Variants in STIM2 observed in about 807,000 individuals in gnomAD.
STIM2 encodes the protein stromal interaction molecule 2.
A neutral mutation model predicts 85.8 loss-of-function variants in STIM2; 31 were observed. The ratio of observed to expected loss-of-function variants is 0.36; its 90% CI spans 0.27 to 0.49. STIM2 has a LOEUF of 0.49. STIM2 is among the 20% of genes least tolerant of loss of function. STIM2 has a pLI of 0.98. For synonymous variants in STIM2, 356 were observed against 331.1 expected, an observed-to-expected ratio of 1.08 and a Z score of -0.82; for missense variants, 841 against 927.6, an observed-to-expected ratio of 0.91 and a Z score of 1.21.
At chr4:26,961,141 G>A (rs1197733072) in intron 3 of STIM2, among the ~76,000 whole-genome samples, 7 of 152,112 alleles carry the variant, frequency 4.6e-5, no homozygotes, top group African/African-American at 1.7e-4. Flanking sequence ...GATGGATGGG[G>A]GGTTCTAGTA....
chr4:26,861,494 G>T lies in STIM2; in HGVS notation c.151+125G>T, dbSNP rs1195537571. 4 of 1,218,352 alleles carry T rather than the reference G, an allele frequency of 3.3e-6. No homozygotes were observed. The African/African-American group carries it at 4.7e-5, about 14-fold the overall frequency. 75.5% of individuals were successfully genotyped at this position (1,218,352 alleles called of 1,614,324 possible). ...GGCTCCGGCCAGGGCGCGATGCGGA[G>T]CCCTGCCTGCTGCTTCGTCGCGGTC... On this transcript the variant is annotated intron_variant, in intron 1 of 11. Coordinates refer to ENST00000467087, the MANE Select transcript of STIM2 (RefSeq NM_020860.4).
At chr4:26,998,955 TAGTA>T (rs1004122259) in intron 4 of STIM2, among the ~76,000 whole-genome samples, 6 of 151,728 alleles carry the variant, frequency 4.0e-5, no homozygotes, top group African/African-American at 1.5e-4. Flanking sequence ...TTCTAAATCA[TAGTA>T]AGTCATAACA....
At chr4:26,961,110 A>T (rs796802597) in intron 3 of STIM2, among the ~76,000 whole-genome samples, 12 of 152,286 alleles carry the variant, frequency 7.9e-5, no homozygotes, top group African/African-American at 2.9e-4. Context: ...TTAAAAAATA[A>T]TGAAGATAAC....
In STIM2 at chr4:26,918,183, A is replaced by G. The variant is rs975311991; in HGVS notation, c.152-1321A>G. Among the ~76,000 whole-genome samples, 7 of 144,984 alleles carry G rather than the reference A, an allele frequency of 4.8e-5. No individual in the cohort carries two copies. In the Admixed American group the frequency reaches 4.8e-4, roughly 10 times the overall value. On this transcript the variant is annotated intron_variant, in intron 1 of 11. Coordinates refer to ENST00000467087, the MANE Select transcript of STIM2 (RefSeq NM_020860.4). The stretch of plus-strand genomic sequence containing the variant: ...ATTAAAAATGTTAAAACACCAAAAT[A>G]TTTTTTCAGCTGTAATTGGAACATG...
chr4:26,976,672 T>C (rs1407449339), intron 3 of STIM2, among the ~76,000 whole-genome samples: 2 of 151,902 alleles, frequency 1.3e-5, no homozygotes, highest in Non-Finnish European at 2.9e-5. Flanking sequence ...CTGGGTGTGG[T>C]GCGCACCTGT....
intron 5 of STIM2, among the ~76,000 whole-genome samples, 187 bp from the exon 6 acceptor site, chr4:27,002,030 A>G (rs1190705679): frequency 6.6e-6 from 1 of 152,208 alleles, no homozygotes; most frequent in Non-Finnish European, 1.5e-5. Flanking sequence ...TAAGTCTAGT[A>G]TATCAAAGAG....
At chr4:26,921,921 G>T (rs1195074293) in intron 2 of STIM2, among the ~76,000 whole-genome samples, 1 of 152,108 alleles carries the variant, frequency 6.6e-6, no homozygotes, top group Admixed American at 6.5e-5. Context: ...AGCTCAGTCA[G>T]TACCAGCGAT....
In STIM2 at chr4:26,910,416, T is replaced by A. The variant is rs2109059032; in HGVS notation, c.152-9088T>A. Among the ~76,000 whole-genome samples the A allele has an allele frequency of 5.3e-5, 8 of 152,112 alleles. 1 individual carries two copies. In the South Asian group the frequency reaches 1.7e-3, roughly 32 times the overall value. On this transcript the variant is annotated intron_variant, in intron 1 of 11. Coordinates refer to ENST00000467087, the MANE Select transcript of STIM2 (RefSeq NM_020860.4). The stretch of plus-strand genomic sequence containing the variant: ...GCGAGCGCCTGTAATTCCAGTTACT[T>A]GGGAGGCTGTGGCAGGAGAATTGCC...
intron 3 of STIM2, among the ~76,000 whole-genome samples, chr4:26,976,940 G>A (rs986680758): frequency 6.6e-6 from 1 of 152,196 alleles, no homozygotes. Context: ...GAACAAGTTT[G>A]CATGTATGTA....
intron 2 of STIM2, among the ~76,000 whole-genome samples, chr4:26,935,812 T>C (rs1379094071): frequency 9.2e-5 from 14 of 152,230 alleles, no homozygotes; most frequent in Non-Finnish European, 2.1e-4. Flanking sequence ...GTTCATGACT[T>C]ACTCTTTGTA....
At chr4:26,938,372 G>A (rs1271593764) in intron 2 of STIM2, among the ~76,000 whole-genome samples, 4 of 151,898 alleles carry the variant, frequency 2.6e-5, no homozygotes, top group Non-Finnish European at 5.9e-5. Flanking sequence ...AAAAACTCTG[G>A]GGATCTAATG....
At chr4:27,003,681 G>T (rs1489143452) in intron 7 of STIM2, among the ~76,000 whole-genome samples, 1 of 142,428 alleles carries the variant, frequency 7.0e-6, no homozygotes, top group African/African-American at 2.6e-5. Flanking sequence ...GCTGTAAAAA[G>T]AAAAAAAAAA....
chr4:26,861,493 A>C (rs1488603634), intron 1 of STIM2, 124 bp downstream of exon 1: 12 of 1,215,238 alleles, frequency 9.9e-6, no homozygotes, highest in Non-Finnish European at 1.2e-5. Flanking sequence ...CGCGATGCGG[A>C]GCCCTGCCTG....
At chr4:26,916,766 A>G (rs1724597579) in intron 1 of STIM2, among the ~76,000 whole-genome samples, 1 of 151,810 alleles carries the variant, frequency 6.6e-6, no homozygotes, top group Admixed American at 6.6e-5. Flanking sequence ...CACTGAACGT[A>G]TGATGCTGCT....
intron 3 of STIM2, among the ~76,000 whole-genome samples, chr4:26,970,042 G>T (rs73813253): frequency 0.018 from 2,723 of 151,078 alleles, 94 homozygotes; most frequent in African/African-American, 0.062. Flanking sequence ...ATTTAAAATA[G>T]ATTATATTTT....
intron 2 of STIM2, among the ~76,000 whole-genome samples, chr4:26,925,785 T>C (rs1724940052): frequency 1.3e-5 from 1 of 77,984 alleles, no homozygotes; most frequent in Non-Finnish European, 2.2e-5. Flanking sequence ...AACCCCATCG[T>C]CTCAGCCCAA....
At chr4:26,912,612 C>G (rs1392871466) in intron 1 of STIM2, among the ~76,000 whole-genome samples, 2 of 152,062 alleles carry the variant, frequency 1.3e-5, no homozygotes, top group African/African-American at 4.8e-5. Flanking sequence ...CTTGTTTTAC[C>G]TAGGATGACT....
chr4:26,949,205 A>C (rs1323784186), intron 2 of STIM2, among the ~76,000 whole-genome samples: 1 of 152,116 alleles, frequency 6.6e-6, no homozygotes, highest in Non-Finnish European at 1.5e-5. Flanking sequence ...AATATTATCC[A>C]TATTTATAGC....
Position 27,008,476 on chromosome 4 carries a change from G to A in STIM2, c.1198G>A (p.Val400Ile), listed in dbSNP as rs748063907. 25 of 1,604,458 alleles carry A rather than the reference G, an allele frequency of 1.6e-5. No individual in the cohort carries two copies. The highest frequency in any genetic ancestry group is 2.7e-5 in the African/African-American group (2 of 74,660). ...AAGCACAGTCTTTGGGACTCTGCAC[G>A]TTGCACACAGCTCCTCCCTAGATGA... The change falls in exon 9 of 12, where the codon GTT becomes ATT. Residue 400 changes from valine (V) to isoleucine (I), a missense_variant. Physicochemically the swap from Val to Ile is conservative, Grantham distance 29 (BLOSUM62 3). Around this residue, in one of 3 missense-constraint regions of STIM2, gnomAD observed 408 missense variants for 525.4 expected, o/e 0.78. Coordinates refer to ENST00000467087, the MANE Select transcript of STIM2 (RefSeq NM_020860.4).
Sources: allele counts gnomAD v4.1 joint callset (sites outside exome capture counted in the v4.1 genomes callset), GRCh38; gene constraint gnomAD v4.1.1; regional missense constraint gnomAD v4.1.1; transcripts MANE v1.5; gene names NCBI Gene and HGNC (gene_info 2026-07-23, HGNC 2026-07-21).